The following LRFN5 variants were observed in gnomAD, a reference collection of about 807,000 sequenced individuals.
The protein encoded by LRFN5 is leucine-rich repeat and fibronectin type-III domain-containing protein 5.
A neutral mutation model predicts 45.6 loss-of-function variants in LRFN5; 24 were observed. The ratio of observed to expected loss-of-function variants is 0.53; its 90% CI spans 0.38 to 0.74. The LOEUF (loss-of-function observed/expected upper bound fraction) is 0.74. LRFN5 is among the 30% of genes least tolerant of loss of function. The probability of loss-of-function intolerance (pLI) is 0.00; values close to 1 mark genes in which losing one functional copy is unlikely to be tolerated. For synonymous variants in LRFN5, 340 were observed against 313.8 expected (o/e 1.08, Z -0.88); for missense variants, 776 against 861.5 (o/e 0.90, Z 1.24).
At chr14:41,674,529 A>C (rs1262557333) in intron 1 of LRFN5, among the ~76,000 whole-genome samples, 1 of 134,794 alleles carries the variant, frequency 7.4e-6, no homozygotes, top group Non-Finnish European at 1.6e-5. Context: ...TCTCTCCAGG[A>C]CGGGGCGGCT....
chr14:41,873,302 G>T (rs903174640), intron 2 of LRFN5, among the ~76,000 whole-genome samples: 9 of 151,874 alleles, frequency 5.9e-5, no homozygotes, highest in African/African-American at 2.2e-4. Context: ...TTTTTCTTTA[G>T]GGGTAGAAGA....
chr14:41,827,647 A>T (rs1052317396), intron 2 of LRFN5, among the ~76,000 whole-genome samples: 2 of 151,996 alleles, frequency 1.3e-5, no homozygotes, highest in Non-Finnish European at 2.9e-5. Flanking sequence ...TCCAAAAACT[A>T]TGAAAACAAA....
chr14:41,615,932 T>A (rs1887912851), intron 1 of LRFN5, among the ~76,000 whole-genome samples: 1 of 152,152 alleles, frequency 6.6e-6, no homozygotes, highest in Non-Finnish European at 1.5e-5. Flanking sequence ...ATTTATCTTT[T>A]GAATTACAAA....
chr14:41,619,383 GATT>G (rs1423023452), intron 1 of LRFN5, among the ~76,000 whole-genome samples: 1 of 151,822 alleles, frequency 6.6e-6, no homozygotes, highest in African/African-American at 2.4e-5. Context: ...ATAACTTTCT[GATT>G]ATTATTTATT....
intron 2 of LRFN5, among the ~76,000 whole-genome samples, chr14:41,846,361 G>T (rs1180193577): frequency 1.3e-5 from 2 of 151,976 alleles, no homozygotes; most frequent in Non-Finnish European, 2.9e-5. Context: ...ACTAGAAAAA[G>T]ACTCCAACAA....
At chr14:41,676,757 C>T (rs1268892588) in intron 1 of LRFN5, among the ~76,000 whole-genome samples, 1 of 152,178 alleles carries the variant, frequency 6.6e-6, no homozygotes, top group Non-Finnish European at 1.5e-5. Context: ...TTTAAAACCA[C>T]TGATCATGCA....
chr14:41,895,089 A>G (rs1890896207), intron 4 of LRFN5: 5 of 979,774 alleles, frequency 5.1e-6, no homozygotes, highest in Non-Finnish European at 6.1e-6. Flanking sequence ...TTATGCATGT[A>G]TTAACGATGT....
intron 2 of LRFN5, among the ~76,000 whole-genome samples, chr14:41,832,376 G>A (rs1225138782): frequency 6.6e-6 from 1 of 152,108 alleles, no homozygotes; most frequent in Non-Finnish European, 1.5e-5. Context: ...AATTATAGTA[G>A]CAATACAATA....
At chr14:41,790,059 C>G (rs1204696470) in intron 2 of LRFN5, among the ~76,000 whole-genome samples, 1 of 151,860 alleles carries the variant, frequency 6.6e-6, no homozygotes, top group East Asian at 1.9e-4. Context: ...ACAGTGAATA[C>G]ATCTGAGCCT....
chr14:41,658,393 A>G (rs967530513), intron 1 of LRFN5, among the ~76,000 whole-genome samples: 2 of 152,034 alleles, frequency 1.3e-5, no homozygotes, highest in African/African-American at 4.8e-5. Flanking sequence ...CTTAATTAAT[A>G]CATGGAACTT....
chr14:41,891,424 G>A lies in LRFN5; in HGVS notation c.1560G>A (p.Met520Ile), dbSNP rs758733167. 1.2e-6 allele frequency: 2 copies of A among 1,614,106 alleles called. No individual in the cohort carries two copies. Among genetic ancestry groups the A allele is most frequent in the Non-Finnish European group, 1.7e-6 (2 of 1,180,016 alleles). The change falls in exon 4 of 6, where the codon ATG becomes ATA. Residue 520 changes from methionine (M) to isoleucine (I), a missense_variant. Around this residue, in one of 2 missense-constraint regions of LRFN5, gnomAD observed 465 missense variants for 456.4 expected, o/e 1.02. Coordinates refer to ENST00000298119, the MANE Select transcript of LRFN5 (RefSeq NM_152447.5). ...TEQDYVRCHF[M>I]QSQFLGGTMI... The stretch of plus-strand genomic sequence containing the variant: ...AGGATTATGTGCGTTGCCATTTCAT[G>A]CAGTCTCAGTTTTTGGGAGGCACCA...
intron 1 of LRFN5, among the ~76,000 whole-genome samples, chr14:41,680,067 T>C (rs1021142891): frequency 1.3e-5 from 2 of 152,160 alleles, no homozygotes; most frequent in African/African-American, 2.4e-5. Flanking sequence ...GACTTCACTC[T>C]TGTGGCTTGG....
intron 1 of LRFN5, among the ~76,000 whole-genome samples, chr14:41,691,867 C>G (rs1192991500): frequency 6.6e-6 from 1 of 152,004 alleles, no homozygotes; most frequent in East Asian, 1.9e-4. Context: ...TAATCATCAA[C>G]CTTTTTGAGT....
At chr14:41,793,886 A>T (rs1366292808) in intron 2 of LRFN5, among the ~76,000 whole-genome samples, 1 of 152,052 alleles carries the variant, frequency 6.6e-6, no homozygotes, top group Non-Finnish European at 1.5e-5. Flanking sequence ...AATGTTCCTT[A>T]CATACAATAT....
At chr14:41,615,511 G>A (rs1286854373) in intron 1 of LRFN5, among the ~76,000 whole-genome samples, 24 of 152,082 alleles carry the variant, frequency 1.6e-4, no homozygotes, top group Admixed American at 1.6e-3. Context: ...GTTAATAAAT[G>A]TTAGCTATCA....
chr14:41,666,277 G>C (rs1880893749), intron 1 of LRFN5, among the ~76,000 whole-genome samples: 1 of 151,848 alleles, frequency 6.6e-6, no homozygotes, highest in Non-Finnish European at 1.5e-5. Flanking sequence ...CAAGACATTA[G>C]TAATTATTTG....
chr14:41,694,191 A>C (rs1566624444), intron 1 of LRFN5, among the ~76,000 whole-genome samples: 1 of 151,850 alleles, frequency 6.6e-6, no homozygotes, highest in African/African-American at 2.4e-5. Context: ...TTTTGTGGAG[A>C]TACATTTGAA....
chr14:41,900,969 CT>C (rs1045382824), intron 5 of LRFN5, among the ~76,000 whole-genome samples: 5 of 152,134 alleles, frequency 3.3e-5, no homozygotes, highest in African/African-American at 1.2e-4. Flanking sequence ...ACTGAGGTAC[CT>C]GTTAAGGTGA....
intron 1 of LRFN5, among the ~76,000 whole-genome samples, chr14:41,650,306 A>T (rs1285717099): frequency 6.8e-6 from 1 of 147,770 alleles, no homozygotes; most frequent in South Asian, 2.2e-4. Flanking sequence ...TGAGAGATAG[A>T]GGTTTAATTT....
Sources: allele counts gnomAD v4.1 joint callset (sites outside exome capture counted in the v4.1 genomes callset), GRCh38; gene constraint gnomAD v4.1.1; regional missense constraint gnomAD v4.1.1; transcripts MANE v1.5; gene names NCBI Gene and HGNC (gene_info 2026-07-23, HGNC 2026-07-21).